CUX1: variants seen among roughly 807,000 people sequenced by gnomAD.
The protein encoded by CUX1 is cut like homeobox 1.
CUX1 carries 31 observed loss-of-function variants against 158.8 expected under a neutral mutation model. The observed-to-expected ratio is 0.20, with a 90% CI of 0.15 to 0.26. The LOEUF (loss-of-function observed/expected upper bound fraction) is 0.26, where lower values mean the gene tolerates loss of function less well. Ranked by LOEUF, CUX1 falls within the 10% of genes least tolerant of loss-of-function variation. CUX1 has a pLI of 1.00. For synonymous variants in CUX1, 879 were observed against 862.1 expected (o/e 1.02, Z -0.34); for missense variants, 1,589 against 2,014.6 (o/e 0.79, Z 4.04).
chr7:102,069,989 C>A (rs1422763317), intron 3 of CUX1, among the ~76,000 whole-genome samples: 1 of 152,124 alleles, frequency 6.6e-6, no homozygotes, highest in Non-Finnish European at 1.5e-5. Context: ...CTCTTCCCAC[C>A]CACCTCTGAT....
chr7:102,278,541 A>G (rs547219644), intron 18 of CUX1, among the ~76,000 whole-genome samples: 24 of 151,536 alleles, frequency 1.6e-4, no homozygotes, highest in Admixed American at 3.3e-4. Context: ...TCAGTGAGCC[A>G]AGATCACACC....
At chr7:102,168,699 C>A (rs1452127645) in intron 9 of CUX1, among the ~76,000 whole-genome samples, 1 of 147,970 alleles carries the variant, frequency 6.8e-6, no homozygotes, top group Non-Finnish European at 1.5e-5. Context: ...CAAATAGATT[C>A]AATGCTGTTG....
chr7:102,202,219 C>G lies in CUX1; in HGVS notation c.2907+15C>G, dbSNP rs1318539224. 1.3e-6 allele frequency: 2 copies of G among 1,575,238 alleles called. No homozygotes were observed. The highest frequency in any genetic ancestry group is 2.7e-5 in the African/African-American group (2 of 73,946). Reference sequence around the variant, plus strand: ...TCGGGGAGAAGGTAAGGGATCTGCTCTGGGGGCTTTGGTTCTCCCATCTCT... The same window carrying G: ...TCGGGGAGAAGGTAAGGGATCTGCTGTGGGGGCTTTGGTTCTCCCATCTCT... On this transcript the variant is annotated intron_variant, in intron 18 of 23. Coordinates refer to ENST00000292535, the MANE Select transcript of CUX1 (RefSeq NM_181552.4).
intron 2 of CUX1, among the ~76,000 whole-genome samples, chr7:101,921,447 T>A (rs867359508): frequency 1.3e-5 from 2 of 151,766 alleles, no homozygotes; most frequent in African/African-American, 4.8e-5. Context: ...TTATTTTATT[T>A]ATTTATTTAT....
At chr7:102,172,947 G>A (rs532400018) in intron 10 of CUX1, among the ~76,000 whole-genome samples, 1 of 151,908 alleles carries the variant, frequency 6.6e-6, no homozygotes, top group East Asian at 1.9e-4. Flanking sequence ...TGTAGTCCCA[G>A]CTACTCAGGA....
At chr7:101,911,995 T>C (rs1394060001) in intron 1 of CUX1, among the ~76,000 whole-genome samples, 1 of 152,232 alleles carries the variant, frequency 6.6e-6, no homozygotes, top group Non-Finnish European at 1.5e-5. Context: ...TCAGCCTCGT[T>C]GGAAGTGCCA....
chr7:102,156,459 A>G (rs1789775870), intron 8 of CUX1, among the ~76,000 whole-genome samples: 1 of 152,082 alleles, frequency 6.6e-6, no homozygotes, highest in African/African-American at 2.4e-5. Context: ...AAGGGAACTC[A>G]TCCAGTCCCT....
chr7:101,846,140 G>A (rs1041339309), intron 1 of CUX1, among the ~76,000 whole-genome samples: 14 of 152,146 alleles, frequency 9.2e-5, no homozygotes, highest in Admixed American at 6.5e-5. Context: ...CACTGGTCTG[G>A]ATCCTTTAAA....
intron 2 of CUX1, among the ~76,000 whole-genome samples, chr7:101,929,150 T>C (rs1806003739): frequency 6.6e-6 from 1 of 152,014 alleles, no homozygotes; most frequent in African/African-American, 2.4e-5. Flanking sequence ...CACTCCAGCC[T>C]AGGCTACAGA....
chr7:101,887,275 T>C (rs1303379281), intron 1 of CUX1, among the ~76,000 whole-genome samples: 2 of 152,106 alleles, frequency 1.3e-5, no homozygotes, highest in Non-Finnish European at 2.9e-5. Context: ...CCATTCTCTG[T>C]TATCTGTTTT....
At chr7:102,117,397 CAAAAAAAAAA>C (rs10633602) in intron 8 of CUX1, among the ~76,000 whole-genome samples, 2 of 46,670 alleles carry the variant, frequency 4.3e-5, no homozygotes, top group African/African-American at 2.0e-4. Context: ...GACTCCATCG[CAAAAAAAAAA>C]AAAAAAAAAA....
intron 1 of CUX1, among the ~76,000 whole-genome samples, chr7:101,906,843 G>A (rs1268856487): frequency 1.3e-5 from 2 of 152,074 alleles, no homozygotes; most frequent in South Asian, 4.1e-4. Flanking sequence ...AGTGTGGGTG[G>A]TGGTGGTTCC....
At chr7:102,169,713 A>G (rs1354643023) in intron 9 of CUX1, among the ~76,000 whole-genome samples, 2 of 152,170 alleles carry the variant, frequency 1.3e-5, no homozygotes, top group African/African-American at 4.8e-5. Context: ...CTCGTCATCC[A>G]GTGGGAAATC....
chr7:102,236,320 T>C (rs1168121557), intron 22 of CUX1, among the ~76,000 whole-genome samples: 1 of 152,190 alleles, frequency 6.6e-6, no homozygotes, highest in Non-Finnish European at 1.5e-5. Context: ...GGCCTGCCCT[T>C]GGGCCTGTAG....
chr7:102,187,490 T>C (rs2131871945), intron 11 of CUX1, among the ~76,000 whole-genome samples: 1 of 152,254 alleles, frequency 6.6e-6, no homozygotes, highest in East Asian at 1.9e-4. Context: ...GGCACCCAGG[T>C]CAGAAGTGAC....
chr7:102,191,118 C>T (rs1264079225), intron 12 of CUX1, among the ~76,000 whole-genome samples: 10 of 152,190 alleles, frequency 6.6e-5, no homozygotes, highest in Non-Finnish European at 1.3e-4. Flanking sequence ...CCACCATGCT[C>T]TCCCCCTGAG....
At chr7:102,239,816 G>A (rs1554534285) in intron 23 of CUX1, among the ~76,000 whole-genome samples, 1 of 151,816 alleles carries the variant, frequency 6.6e-6, no homozygotes, top group African/African-American at 2.4e-5. Context: ...GCGCAATCTC[G>A]GCTCACTGCA....
At position 102,111,633 on chromosome 7, in the gene CUX1, A is replaced by G. The variant is rs1830894578; in HGVS notation, c.531-65A>G. The G allele has an allele frequency of 4.1e-6, 6 of 1,468,800 alleles. No homozygotes were observed. In the Admixed American group the frequency reaches 8.4e-5, roughly 21 times the overall value. The allele number at this position is 1,468,800 out of a possible 1,614,324, so 91.0% of individuals were successfully genotyped here. On this transcript the variant is annotated intron_variant, in intron 6 of 23. Coordinates refer to ENST00000292535, the MANE Select transcript of CUX1 (RefSeq NM_181552.4). ...AGGGAGGGAGCTGAGCTCAGCCGAA[A>G]GGCACACGTGCATTTCAGTTGGTAA...
intron 8 of CUX1, among the ~76,000 whole-genome samples, chr7:102,120,143 T>C (rs1831878561): frequency 6.6e-6 from 1 of 152,194 alleles, no homozygotes; most frequent in South Asian, 2.1e-4. Context: ...TTACTTGATC[T>C]TGGGTTTGGG....
Sources: gnomAD v4.1 joint callset for allele counts (sites outside exome capture counted in the v4.1 genomes callset) on GRCh38, gnomAD v4.1.1 for gene constraint, MANE v1.5 for transcripts, NCBI Gene and HGNC (gene_info 2026-07-23, HGNC 2026-07-21) for gene names.